The following NOL4L variants were observed in gnomAD, a reference collection of about 807,000 sequenced individuals.
The protein encoded by NOL4L is nucleolar protein 4 like, also known as nucleolar protein 4-like.
In NOL4L, 7 loss-of-function variants were observed where a neutral mutation model predicts 64.5. That is an observed-to-expected ratio of 0.11 (90% CI 0.06 to 0.20). The LOEUF (loss-of-function observed/expected upper bound fraction) is 0.20, where lower values mean the gene tolerates loss of function less well. Among genes scored for constraint, NOL4L ranks in the 10% least tolerant of loss-of-function variants. NOL4L has a pLI of 1.00. For synonymous variants in NOL4L, 413 were observed against 401.0 expected (o/e 1.03, Z -0.36); for missense variants, 680 against 967.1 (o/e 0.70, Z 3.94).
intron 3 of NOL4L, among the ~76,000 whole-genome samples, chr20:32,516,871 C>T (rs895125193): frequency 1.3e-5 from 2 of 152,264 alleles, no homozygotes; most frequent in African/African-American, 4.8e-5. Flanking sequence ...GTCAGCATTG[C>T]TGCCCATTGG....
At chr20:32,505,654 TGCAGTGAAC>T (rs1280270146) in intron 4 of NOL4L, among the ~76,000 whole-genome samples, 4 of 152,258 alleles carry the variant, frequency 2.6e-5, no homozygotes, top group African/African-American at 9.6e-5. Flanking sequence ...AGGGCAAGGC[TGCAGTGAAC>T]TGTGATCGTG....
At chr20:32,515,914 A>C (rs911119118) in intron 3 of NOL4L, among the ~76,000 whole-genome samples, 1 of 152,240 alleles carries the variant, frequency 6.6e-6, no homozygotes, top group Non-Finnish European at 1.5e-5. Flanking sequence ...AAACCAGCCC[A>C]GGCACTAGAC....
At chr20:32,475,441 G>A (rs1236561758) in intron 4 of NOL4L, 6 of 579,732 alleles carry the variant, frequency 1.0e-5, no homozygotes, top group African/African-American at 4.1e-5. Context: ...CCGCCAGGGC[G>A]TTCCAAACAG....
chr20:32,501,177 T>G (rs931540316), intron 4 of NOL4L, among the ~76,000 whole-genome samples: 1 of 152,348 alleles, frequency 6.6e-6, no homozygotes, highest in Non-Finnish European at 1.5e-5. Flanking sequence ...TAAATCATGT[T>G]GATATTATGG....
At chr20:32,535,781 AG>A (rs1214961855) in intron 1 of NOL4L, 3 of 985,408 alleles carry the variant, frequency 3.0e-6, no homozygotes, top group South Asian at 4.7e-5. Context: ...GGGAAGAGAA[AG>A]GGGCACAGTG....
At chr20:32,524,856 G>C (rs984855884) in intron 2 of NOL4L, among the ~76,000 whole-genome samples, 1 of 152,226 alleles carries the variant, frequency 6.6e-6, no homozygotes, top group Non-Finnish European at 1.5e-5. Context: ...AAAGGAAAAG[G>C]GTGGCATGAG....
intron 2 of NOL4L, among the ~76,000 whole-genome samples, chr20:32,523,680 G>C (rs1027762593): frequency 1.3e-5 from 2 of 152,198 alleles, no homozygotes; most frequent in African/African-American, 4.8e-5. Context: ...TGTGTCTAAG[G>C]AGGGGAAGTT....
rs892064367 is a variant in NOL4L, at chr20:32,463,417, A to G, written c.842-7022T>C. On this transcript the variant is annotated intron_variant, in intron 5 of 10. Coordinates refer to ENST00000621426, the MANE Select transcript of NOL4L (RefSeq NM_001256798.2). The surrounding 1 kb of genome is among the most constrained non-coding windows in gnomAD (Gnocchi z 5.8). ...CCCAGCCCATGGCTGCGTGGGCAGC[A>G]GAGACATGTCCTGAGGGGCCTTGGG... is the stretch of plus-strand genomic sequence containing the variant. Among the ~76,000 whole-genome samples the G allele has an allele frequency of 6.6e-6, 1 of 152,194 alleles. No homozygotes were observed. Among genetic ancestry groups the G allele is most frequent in the Admixed American group, 6.5e-5 (1 of 15,284 alleles).
At chr20:32,507,007 G>C (rs558370035) in intron 4 of NOL4L, among the ~76,000 whole-genome samples, 7 of 152,308 alleles carry the variant, frequency 4.6e-5, no homozygotes, top group African/African-American at 1.4e-4. Flanking sequence ...TGCAGAGAGG[G>C]AGGCAAGGGA....
chr20:32,543,567 T>C lies in NOL4L; in HGVS notation c.322-15654A>G, dbSNP rs188564029. Reference sequence around the variant, plus strand: ...CCAGGAGGAGGAGGTTGCAGCGAGCTGAGATCGTGCCATTGCACTCTAGCC... The same window carrying C: ...CCAGGAGGAGGAGGTTGCAGCGAGCCGAGATCGTGCCATTGCACTCTAGCC... On this transcript the variant is annotated intron_variant, in intron 1 of 10. Transcript: ENST00000621426. 1.7e-3 allele frequency among the ~76,000 whole-genome samples: 261 copies of C among 150,594 alleles called. 1 individual carries two copies. The highest frequency in any genetic ancestry group is 6.8e-3 in the Middle Eastern group (2 of 294).
intron 3 of NOL4L, among the ~76,000 whole-genome samples, chr20:32,517,161 C>G (rs1304984015): frequency 6.6e-6 from 1 of 152,186 alleles, no homozygotes; most frequent in South Asian, 2.1e-4. Context: ...CCCCACTCTG[C>G]TGGGGAGAGA....
At chr20:32,459,674 C>A (rs1217131018) in intron 5 of NOL4L, among the ~76,000 whole-genome samples, 3 of 152,120 alleles carry the variant, frequency 2.0e-5, no homozygotes, top group Non-Finnish European at 4.4e-5. Context: ...CATGGGCCAC[C>A]GTGCCCAGCC....
At chr20:32,569,200 T>C (rs1568718912) in intron 1 of NOL4L, among the ~76,000 whole-genome samples, 1 of 151,268 alleles carries the variant, frequency 6.6e-6, no homozygotes, top group Non-Finnish European at 1.5e-5. Context: ...CCTGAGGAGG[T>C]GACATTTCAG....
In NOL4L at chr20:32,507,861, A is replaced by G. The variant is rs183120453; in HGVS notation, c.699+3486T>C. The stretch of plus-strand genomic sequence containing the variant: ...GTCTCTACTAAAAATACAAAAAAAA[A>G]GTAGCCAGGCCTAGTGGCGGCCTCC... On this transcript the variant is annotated intron_variant, in intron 4 of 10. Transcript: ENST00000621426. Among the ~76,000 whole-genome samples, 4 of 152,274 alleles carry G rather than the reference A, an allele frequency of 2.6e-5. No individual in the cohort carries two copies. In the East Asian group the frequency reaches 7.7e-4, roughly 29 times the overall value.
At chr20:32,489,809 C>CAAAT (rs549441798) in intron 4 of NOL4L, among the ~76,000 whole-genome samples, 48 of 149,318 alleles carry the variant, frequency 3.2e-4, no homozygotes, top group Admixed American at 9.4e-4. Flanking sequence ...GACTCCCTCT[C>CAAAT]AAATAAATAA....
chr20:32,516,074 C>T (rs934934689), intron 3 of NOL4L, among the ~76,000 whole-genome samples: 15 of 152,178 alleles, frequency 9.9e-5, no homozygotes, highest in African/African-American at 3.6e-4. Context: ...CTCGTGGGAA[C>T]ACCAGGTGGT....
chr20:32,489,709 C>T (rs1007300347), intron 4 of NOL4L, among the ~76,000 whole-genome samples: 1 of 151,980 alleles, frequency 6.6e-6, no homozygotes, highest in Non-Finnish European at 1.5e-5. Context: ...CTTTGGGAGG[C>T]CGAGGCAGGA....
Position 32,563,679 on chromosome 20 carries a change from C to T in NOL4L, c.321+20891G>A, listed in dbSNP as rs543928978. Among the ~76,000 whole-genome samples, 51 of 152,240 alleles carry T rather than the reference C, an allele frequency of 3.3e-4. No homozygotes were observed. In the South Asian group the frequency reaches 5.8e-3, roughly 17 times the overall value. ...ACGGGCACCATTTAGGCACTGGGCT[C>T]CAAAACCCACATAATCCTAAACATG... On this transcript the variant is annotated intron_variant, in intron 1 of 10. Transcript: ENST00000621426.
intron 3 of NOL4L, among the ~76,000 whole-genome samples, chr20:32,514,056 C>G (rs879735780): frequency 6.6e-6 from 1 of 152,124 alleles, no homozygotes; most frequent in Non-Finnish European, 1.5e-5. Flanking sequence ...GATGGGGGTC[C>G]TCTTTGACGC....
Sources: gnomAD v4.1 joint callset for allele counts (sites outside exome capture counted in the v4.1 genomes callset) on GRCh38, gnomAD v4.1.1 for gene constraint, Gnocchi (gnomAD v3.1) non-coding constraint, MANE v1.5 for transcripts, NCBI Gene and HGNC (gene_info 2026-07-23, HGNC 2026-07-21) for gene names.